The following AP1G2 variants were observed in gnomAD, a reference collection of about 807,000 sequenced individuals.
AP1G2 encodes AP-1 complex subunit gamma-like 2.
A neutral mutation model predicts 95.8 loss-of-function variants in AP1G2; 85 were observed. The ratio of observed to expected loss-of-function variants is 0.89; its 90% CI spans 0.74 to 1.06. The LOEUF (loss-of-function observed/expected upper bound fraction) is 1.06. AP1G2 is among the 50% of genes least tolerant of loss of function. AP1G2 has a pLI of 0.00. For missense variants in AP1G2, 967 were observed against 1,005.8 expected (o/e 0.96, Z 0.52); for synonymous variants, 378 against 400.0 (o/e 0.94, Z 0.66).
chr14:23,565,530 G>T, intron 7 of AP1G2, 76 bp downstream of exon 7: 1 of 1,304,416 alleles, frequency 7.7e-7, no homozygotes. Flanking sequence ...GTGTTCTCTG[G>T]GAGGAAACCA....
At chr14:23,562,861 G>T in intron 14 of AP1G2, 1 of 527,486 alleles carries the variant, frequency 1.9e-6, no homozygotes, top group Non-Finnish European at 3.2e-6. Context: ...GATGGTGGGG[G>T]GTTGGAGGAG....
Position 23,566,414 on chromosome 14 carries a change from A to G in AP1G2, c.335T>C (p.Leu112Pro). The G allele has an allele frequency of 1.2e-6, 2 of 1,613,608 alleles. No homozygotes were observed. Among genetic ancestry groups the G allele is most frequent in the South Asian group, 2.2e-5 (2 of 91,064 alleles). The change falls in exon 4 of 22, where the codon CTG becomes CCG. Residue 112 changes from leucine to proline, a missense_variant. Leu to Pro is a moderately conservative substitution (Grantham distance 98). Coordinates refer to ENST00000397120, the MANE Select transcript of AP1G2 (RefSeq NM_003917.5). The part of the protein sequence containing the change: ...LLITNSIKND[L>P]SQGIQPVQGL... ...TTGTACTGGCTGAATCCCCTGGCTC[A>G]GGTCACTGCAGGGTTTGGGAGGACG...
rs1232732883 is a variant in AP1G2, at chr14:23,559,766, C to T, written c.2341G>A (p.Val781Met). 3.2e-5 allele frequency: 52 copies of T among 1,614,022 alleles called. No homozygotes were observed. Among genetic ancestry groups the T allele is most frequent in the Non-Finnish European group, 4.3e-5 (51 of 1,180,016 alleles). The change falls in exon 22 of 22, where the codon GTG becomes ATG. Residue 781 changes from valine (V) to methionine (M), a missense_variant. Physicochemically the swap from Val to Met is conservative, Grantham distance 21. Coordinates refer to ENST00000397120, the MANE Select transcript of AP1G2 (RefSeq NM_003917.5). ...GGAGACAGTTACTGCCACGATTCCACAGGCAAGTTGTTCACCTCAAAGATC... is the reference window on the plus strand; with the variant it reads ...GGAGACAGTTACTGCCACGATTCCATAGGCAAGTTGTTCACCTCAAAGATC... ...QEIFEVNNLP[V>M]ESWQ
chr14:23,564,094 C>G lies in AP1G2; in HGVS notation c.1043G>C (p.Arg348Pro), dbSNP rs1441210485. ...CCGTAGACATTCCACCACAGTGGGC[C>G]GATGCCGCTGCACAGCACTGTGATC... ...QSDHSAVQRHRPTVVECLRET... is the reference protein window; with the variant it reads ...QSDHSAVQRHPPTVVECLRET... The change falls in exon 11 of 22, where the codon CGG becomes CCG. Residue 348 changes from arginine to proline, a missense_variant. Transcript: ENST00000397120. 6.2e-7 allele frequency: 1 copy of G among 1,614,184 alleles called. No homozygotes were observed. The highest frequency in any genetic ancestry group is 8.5e-7 in the Non-Finnish European group (1 of 1,180,034).
intron 9 of AP1G2, 53 bp from the exon 10 acceptor site, chr14:23,564,441 T>A: frequency 6.2e-7 from 1 of 1,608,672 alleles, no homozygotes; most frequent in Admixed American, 1.7e-5. Context: ...TGCTCAGCCA[T>A]TGAGGACTGG....
rs756923386 is a variant in AP1G2 at position 23,562,286 on chromosome 14, A to T, written c.1628+2T>A. On this transcript the variant is annotated splice_donor_variant, in intron 16 of 21. Coordinates refer to ENST00000397120, the MANE Select transcript of AP1G2 (RefSeq NM_003917.5). LOFTEE classifies it high-confidence loss of function. ...TCTCAAGGGGCTGGGACCCCTTCTT[A>T]CTTGTTGTCCCCACAGAGGCGAGTG... 1.2e-5 allele frequency: 20 copies of T among 1,613,852 alleles called. 1 individual carries two copies. Among genetic ancestry groups the T allele is most frequent in the Non-Finnish European group, 1.7e-5 (20 of 1,179,776 alleles).
Position 23,564,038 on chromosome 14 carries a change from C to G in AP1G2, c.1091+8G>C, listed in dbSNP as rs78281339. On this transcript the variant is annotated splice_region_variant and intron_variant, in intron 11 of 21. Transcript: ENST00000397120. ...CCCTGCCCTCCTGTCCCCTCTATCA[C>G]TGCTCACCGGCTGAGGGAGGCATCA... is the stretch of plus-strand genomic sequence containing the variant. 1 of 1,613,956 alleles carries G rather than the reference C, an allele frequency of 6.2e-7. No homozygotes were observed. The highest frequency in any genetic ancestry group is 8.5e-7 in the Non-Finnish European group (1 of 1,179,994).
chr14:23,561,522 G>A lies in AP1G2; in HGVS notation c.1847C>T (p.Thr616Ile). 1 of 1,614,206 alleles carries A rather than the reference G, an allele frequency of 6.2e-7. No homozygotes were observed. Among genetic ancestry groups the A allele is most frequent in the Non-Finnish European group, 8.5e-7 (1 of 1,180,034 alleles). The change falls in exon 18 of 22, where the codon ACA becomes ATA. Residue 616 changes from threonine to isoleucine, a missense_variant. Coordinates refer to ENST00000397120, the MANE Select transcript of AP1G2 (RefSeq NM_003917.5). ...TTCTAGCCTTCTCACCTGGGGCTCT[G>A]TGGGCACTGGGGCTGCTTCTGAAAG... ...AQLSEAAPVP[T>I]EPQASQLLDL...
At position 23,565,177 on chromosome 14, in the gene AP1G2, C is replaced by A. The variant is rs201523657; in HGVS notation, c.764G>T (p.Arg255Leu). ...FLQVQILRLLRILGRNHEESS... is the reference protein window; with the variant it reads ...FLQVQILRLLLILGRNHEESS... The stretch of plus-strand genomic sequence containing the variant: ...CTCCTCGTGGTTCCGGCCCAGGATC[C>A]GAAGCAGACGAAGTATCTGGACCTG... The change falls in exon 8 of 22, where the codon CGG (arginine) becomes CTG (leucine). Residue 255 changes from arginine (R) to leucine (L), a missense_variant. By Grantham distance (102) the Arg-to-Leu change is moderately radical (BLOSUM62 -2). Coordinates refer to ENST00000397120, the MANE Select transcript of AP1G2 (RefSeq NM_003917.5). The A allele has an allele frequency of 6.2e-7, 1 of 1,614,148 alleles. No homozygotes were observed. The highest frequency in any genetic ancestry group is 8.5e-7 in the Non-Finnish European group (1 of 1,180,022).
Position 23,561,525 on chromosome 14 carries a change from G to A in AP1G2, c.1844C>T (p.Pro615Leu). Residue 615 changes from proline (P) to leucine (L), a missense_variant, in exon 18 of 22, where the codon CCC becomes CTC. Pro to Leu is a moderately conservative substitution (Grantham distance 98, BLOSUM62 -3). Coordinates refer to ENST00000397120, the MANE Select transcript of AP1G2 (RefSeq NM_003917.5). ...TAGCCTTCTCACCTGGGGCTCTGTG[G>A]GCACTGGGGCTGCTTCTGAAAGCTG... ...AAQLSEAAPV[P>L]TEPQASQLLD... is the part of the protein sequence containing the mutation. The A allele has an allele frequency of 1.2e-6, 2 of 1,614,174 alleles. No homozygotes were observed. The highest frequency in any genetic ancestry group is 1.7e-6 in the Non-Finnish European group (2 of 1,180,018).
Position 23,567,411 on chromosome 14 carries a change from C to T in AP1G2, c.-5-92G>A. ...GTCCTGTGTCAAGACCCTAAGAGCC[C>T]GGGTCCCACAGGTACCCTAAAATTG... On this transcript the variant is annotated intron_variant, in intron 1 of 21. Coordinates refer to ENST00000397120, the MANE Select transcript of AP1G2 (RefSeq NM_003917.5). This position sits in a 1 kb window ranked among gnomAD's most constrained non-coding sequence, Gnocchi z 5.3. The T allele has an allele frequency of 1.4e-6, 2 of 1,459,196 alleles. No homozygotes were observed. Among genetic ancestry groups the T allele is most frequent in the Non-Finnish European group, 1.8e-6 (2 of 1,112,948 alleles). The allele number at this position is 1,459,196 out of a possible 1,614,324, so 90.4% of individuals were successfully genotyped here.
rs1341421140 is a variant in AP1G2 at position 23,567,695 on chromosome 14, G to GCAGCGGCAGCGA, written c.-6+32_-6+43dup. 4.8e-6 allele frequency: 5 copies of GCAGCGGCAGCGA among 1,039,092 alleles called. No individual in the cohort carries two copies. In the African/African-American group the frequency reaches 5.2e-5, roughly 11 times the overall value. The allele number at this position is 1,039,092 out of a possible 1,614,324, so 64.4% of individuals were successfully genotyped here. On this transcript the variant is annotated intron_variant, in intron 1 of 21. Coordinates refer to ENST00000397120, the MANE Select transcript of AP1G2 (RefSeq NM_003917.5). The surrounding 1 kb of genome is among the most constrained non-coding windows in gnomAD (Gnocchi z 5.3). ...CCCCCGATTTCCATCTCAGGCAGCG[G>GCAGCGGCAGCGA]CAGCGGCAGCGACAGCCTGCCTACC...
chr14:23,565,776 C>T (rs373241065), intron 6 of AP1G2, 40 bp downstream of exon 6: 227 of 1,604,800 alleles, frequency 1.4e-4, no homozygotes, highest in Non-Finnish European at 1.9e-4. Context: ...CCCACTGACC[C>T]TGTCTTCCAG....
chr14:23,565,378 GT>G, intron 7 of AP1G2, 179 bp from the exon 8 acceptor site: 1 of 730,930 alleles, frequency 1.4e-6, no homozygotes, highest in Non-Finnish European at 2.2e-6. Flanking sequence ...GGCCAGGGGA[GT>G]TTAGGACAGG....
At chr14:23,563,081 G>C (rs1566635991) in intron 14 of AP1G2, 1 of 1,305,624 alleles carries the variant, frequency 7.7e-7, no homozygotes, top group East Asian at 3.4e-5. Flanking sequence ...CAGCATTCAA[G>C]GTAATAATAA....
Position 23,564,066 on chromosome 14 carries a change from T to G in AP1G2, c.1071A>C (p.Glu357Asp). 1 of 1,614,150 alleles carries G rather than the reference T, an allele frequency of 6.2e-7. No individual in the cohort carries two copies. The highest frequency in any genetic ancestry group is 1.1e-5 in the South Asian group (1 of 91,078). The stretch of plus-strand genomic sequence containing the variant: ...CTCACCGGCTGAGGGAGGCATCAGT[T>G]TCCCGTAGACATTCCACCACAGTGG... ...HRPTVVECLRETDASLSRRAL... is the reference protein window; with the variant it reads ...HRPTVVECLRDTDASLSRRAL... The change falls in exon 11 of 22, where the codon GAA (glutamate) becomes GAC (aspartate). Residue 357 changes from glutamate to aspartate, a missense_variant. By Grantham distance (45) the Glu-to-Asp change is conservative. Coordinates refer to ENST00000397120, the MANE Select transcript of AP1G2 (RefSeq NM_003917.5).
rs1883092185 is a variant in AP1G2, at chr14:23,559,686, G to A, written c.*63C>T. ...GCTGGTAGCCCTCAGGTGTAGGTTC[G>A]AAGCTGCTGGGGCCCCCTGGGGTTT... On this transcript the variant is annotated 3_prime_UTR_variant, in exon 22 of 22. Transcript: ENST00000397120. The A allele has an allele frequency of 5.3e-6, 8 of 1,519,514 alleles. No individual in the cohort carries two copies. In the Admixed American group the frequency reaches 5.3e-5, roughly 10 times the overall value. The allele number at this position is 1,519,514 out of a possible 1,614,324, so 94.1% of individuals were successfully genotyped here. A position where few individuals can be genotyped will look rare whatever the true frequency, so the allele number is the denominator to read the frequency against.
chr14:23,563,493 G>T lies in AP1G2; in HGVS notation c.1297C>A (p.His433Asn). The T allele has an allele frequency of 5.0e-6, 8 of 1,614,174 alleles. No homozygotes were observed. Among genetic ancestry groups the T allele is most frequent in the Non-Finnish European group, 5.9e-6 (7 of 1,180,020 alleles). The change falls in exon 14 of 22, where the codon CAT (histidine) becomes AAT (asparagine). Residue 433 changes from histidine to asparagine, a missense_variant. His to Asn is a moderately conservative substitution (Grantham distance 68). Transcript: ENST00000397120. ...TTGGCCACTGCATCATCCCGCACAT[G>T]GGTGCCCGCCTGGAAGGTGTGGGCA... ...ILHVLTTAGT[H>N]VRDDAVANLT...
At chr14:23,561,216 C>T (rs938664390) in intron 19 of AP1G2, 80 bp downstream of exon 19, 6 of 1,493,264 alleles carry the variant, frequency 4.0e-6, no homozygotes, top group Admixed American at 2.3e-5. Context: ...GGTCCATGAG[C>T]CTCAGCCCTT....
Sources: gnomAD v4.1 joint callset for allele counts on GRCh38, gnomAD v4.1.1 for gene constraint, Gnocchi (gnomAD v3.1) non-coding constraint, MANE v1.5 for transcripts, NCBI Gene and HGNC (gene_info 2026-07-23, HGNC 2026-07-21) for gene names.